PDE4D: variants seen among roughly 807,000 people sequenced by gnomAD.
PDE4D encodes 3',5'-cyclic-AMP phosphodiesterase 4D.
PDE4D carries 24 observed loss-of-function variants against 87.4 expected under a neutral mutation model. That is an observed-to-expected ratio of 0.27 (90% CI 0.20 to 0.39). The LOEUF is 0.39. PDE4D is among the 10% of genes least tolerant of loss of function. The pLI is 1.00. For missense variants in PDE4D, 714 were observed against 1,041.0 expected, an observed-to-expected ratio of 0.69 and a Z score of 4.32; for synonymous variants, 384 against 383.2, an observed-to-expected ratio of 1.00 and a Z score of -0.02.
At chr5:60,240,005 G>A (rs759459035) in intron 1 of PDE4D, among the ~76,000 whole-genome samples, 1 of 151,788 alleles carries the variant, frequency 6.6e-6, no homozygotes, top group Non-Finnish European at 1.5e-5. Context: ...AGATGTACAG[G>A]GATTATTTCC....
intron 1 of PDE4D, among the ~76,000 whole-genome samples, chr5:59,784,598 T>C (rs1425765339): frequency 6.6e-6 from 1 of 152,210 alleles, no homozygotes; most frequent in Non-Finnish European, 1.5e-5. Flanking sequence ...AATTAGGCAG[T>C]ATTTTGGAGA....
chr5:60,374,013 G>T (rs992995284), intron 1 of PDE4D, among the ~76,000 whole-genome samples: 1 of 152,018 alleles, frequency 6.6e-6, no homozygotes, highest in African/African-American at 2.4e-5. Context: ...TTCCCCCCTT[G>T]TCAAAATATA....
At chr5:60,167,953 T>A (rs2149476276) in intron 2 of PDE4D, among the ~76,000 whole-genome samples, 1 of 152,322 alleles carries the variant, frequency 6.6e-6, no homozygotes, top group East Asian at 1.9e-4. Context: ...CTTTACAGAA[T>A]GGATTTGTCT....
intron 1 of PDE4D, among the ~76,000 whole-genome samples, chr5:59,449,197 T>C (rs1011467198): frequency 6.6e-6 from 1 of 152,242 alleles, no homozygotes; most frequent in Non-Finnish European, 1.5e-5. Context: ...TTACCTGAGA[T>C]CATCCTGCTT....
intron 1 of PDE4D, among the ~76,000 whole-genome samples, chr5:60,231,013 G>T (rs1220220206): frequency 2.6e-5 from 4 of 152,020 alleles, no homozygotes; most frequent in African/African-American, 9.7e-5. Context: ...AATGTTAAAG[G>T]TAGAAGTTTG....
intron 1 of PDE4D, among the ~76,000 whole-genome samples, chr5:59,848,980 G>T (rs1053767467): frequency 6.6e-6 from 1 of 152,042 alleles, no homozygotes; most frequent in African/African-American, 2.4e-5. Context: ...ACACAAGGCT[G>T]CTCAAGGAAA....
chr5:59,130,083 A>C (rs1776061464), intron 5 of PDE4D, among the ~76,000 whole-genome samples: 1 of 152,248 alleles, frequency 6.6e-6, no homozygotes, highest in South Asian at 2.1e-4. Flanking sequence ...GCTGTTCCTC[A>C]GTACCACTAA....
intron 1 of PDE4D, among the ~76,000 whole-genome samples, chr5:59,259,828 A>AT (rs1291718275): frequency 1.3e-5 from 2 of 151,688 alleles, no homozygotes; most frequent in African/African-American, 4.8e-5. Context: ...GGGACCAATT[A>AT]TTTTCTATTA....
intron 1 of PDE4D, among the ~76,000 whole-genome samples, chr5:59,748,778 A>C (rs1759998906): frequency 6.6e-6 from 1 of 152,192 alleles, no homozygotes; most frequent in Non-Finnish European, 1.5e-5. Flanking sequence ...CGCTGTGCAC[A>C]TGTTCCCTAG....
intron 1 of PDE4D, among the ~76,000 whole-genome samples, chr5:59,738,032 C>T (rs986402225): frequency 6.6e-5 from 10 of 152,254 alleles, no homozygotes; most frequent in Middle Eastern, 3.4e-3. Context: ...GCACTTGCTA[C>T]TGATGTTAAA....
At chr5:59,975,342 T>C (rs1233884440) in intron 3 of PDE4D, among the ~76,000 whole-genome samples, 1 of 152,214 alleles carries the variant, frequency 6.6e-6, no homozygotes, top group African/African-American at 2.4e-5. Flanking sequence ...GTCTTGAACA[T>C]ACCTTAAATT....
Position 59,552,301 on chromosome 5 carries a change from A to G in PDE4D, c.456-336333T>C, listed in dbSNP as rs149079243. On this transcript the variant is annotated intron_variant, in intron 1 of 14. Transcript: ENST00000340635. ...AAAAGCTAATAGCTTTCTTATATGTAATTTTGTATTTGGCTACCTATCTGA... is the reference window on the plus strand; with the variant it reads ...AAAAGCTAATAGCTTTCTTATATGTGATTTTGTATTTGGCTACCTATCTGA... Among the ~76,000 whole-genome samples the G allele has an allele frequency of 9.8e-4, 149 of 152,300 alleles. 1 individual carries two copies. Among genetic ancestry groups the G allele is most frequent in the African/African-American group, 3.0e-3 (124 of 41,584 alleles).
rs144809511 is a variant in PDE4D at position 59,066,624 on chromosome 5, C to T, written c.809-27653G>A. 9.4e-3 allele frequency among the ~76,000 whole-genome samples: 1,426 copies of T among 152,136 alleles called. 16 individuals carry two copies. Among genetic ancestry groups the T allele is most frequent in the Non-Finnish European group, 0.012 (849 of 67,976 alleles). ...CATGGAAAGATTTTTATTTATAAGACGTGGTTTATTCTTCATTCTGTGGCA... is the reference window on the plus strand; with the variant it reads ...CATGGAAAGATTTTTATTTATAAGATGTGGTTTATTCTTCATTCTGTGGCA... On this transcript the variant is annotated intron_variant, in intron 5 of 14. Coordinates refer to ENST00000340635, the MANE Select transcript of PDE4D (RefSeq NM_001104631.2).
chr5:59,661,074 T>TTATATA (rs3062479), intron 1 of PDE4D, among the ~76,000 whole-genome samples: 7,467 of 139,886 alleles, frequency 0.053, 230 homozygotes, highest in African/African-American at 0.061. Context: ...CATGATAATA[T>TTATATA]TATATATATA....
rs10586960 is a variant in PDE4D, at chr5:59,536,504, CAAAAAAAAAAAAAAAA to C, written c.456-320552_456-320537del. 5.5e-4 allele frequency among the ~76,000 whole-genome samples: 31 copies of C among 56,380 alleles called. No homozygotes were observed. The East Asian group carries it at 0.029, about 52-fold the overall frequency. 37.0% of individuals were successfully genotyped at this position (56,380 alleles called of 152,430 possible). On this transcript the variant is annotated intron_variant, in intron 1 of 14. Coordinates refer to ENST00000340635, the MANE Select transcript of PDE4D (RefSeq NM_001104631.2). ...TGGGCAACAGAGCAAGACTCAGCCT[CAAAAAAAAAAAAAAAA>C]AAAAAAAAAAAAAAAATTACCTTTT... is the stretch of plus-strand genomic sequence containing the variant.
chr5:59,938,176 T>A (rs79730375), intron 3 of PDE4D, among the ~76,000 whole-genome samples: 1,775 of 152,276 alleles, frequency 0.012, 37 homozygotes, highest in African/African-American at 0.041. Flanking sequence ...AATAGCACCC[T>A]TCAATTGCAT....
intron 1 of PDE4D, among the ~76,000 whole-genome samples, chr5:59,420,386 A>C (rs1173267666): frequency 1.3e-5 from 2 of 152,198 alleles, no homozygotes; most frequent in Non-Finnish European, 2.9e-5. Flanking sequence ...CTTTATTTTG[A>C]GATGACTTTG....
chr5:59,728,425 A>C (rs1756909895), intron 1 of PDE4D, among the ~76,000 whole-genome samples: 1 of 152,106 alleles, frequency 6.6e-6, no homozygotes, highest in Admixed American at 6.6e-5. Flanking sequence ...ACAAGTAAAC[A>C]TTCTACCCTG....
At chr5:59,324,874 G>C (rs555709766) in intron 1 of PDE4D, among the ~76,000 whole-genome samples, 17 of 152,246 alleles carry the variant, frequency 1.1e-4, no homozygotes, top group African/African-American at 4.1e-4. Flanking sequence ...GAGAATTTAT[G>C]CTTGGAGATG....
Sources: gnomAD v4.1 joint callset for allele counts (sites outside exome capture counted in the v4.1 genomes callset) on GRCh38, gnomAD v4.1.1 for gene constraint, MANE v1.5 for transcripts, NCBI Gene and HGNC (gene_info 2026-07-23, HGNC 2026-07-21) for gene names.